Variants in SLC4A4 observed in about 807,000 individuals in gnomAD.
SLC4A4 encodes the protein solute carrier family 4 member 4, also known as electrogenic sodium bicarbonate cotransporter 1.
A neutral mutation model predicts 111.5 loss-of-function variants in SLC4A4; 27 were observed. The observed-to-expected ratio is 0.24, with a 90% CI of 0.18 to 0.33. The LOEUF (loss-of-function observed/expected upper bound fraction) is 0.33, where lower values mean the gene tolerates loss of function less well. Ranked by LOEUF, SLC4A4 falls within the 10% of genes least tolerant of loss-of-function variation. The probability of loss-of-function intolerance (pLI) is 1.00; values close to 1 mark genes in which losing one functional copy is unlikely to be tolerated. For synonymous variants in SLC4A4, 443 were observed against 463.4 expected (o/e 0.96, Z 0.57); for missense variants, 909 against 1,315.5 (o/e 0.69, Z 4.78).
At chr4:71,169,175 AT>A (rs113560452) in intron 2 of SLC4A4, among the ~76,000 whole-genome samples, 2,029 of 135,566 alleles carry the variant, frequency 0.015, 11 homozygotes, top group Middle Eastern at 0.023. Context: ...ATACCTGGCT[AT>A]TTTTTTTTTT....
chr4:71,521,026 C>A (rs552911086), intron 16 of SLC4A4, among the ~76,000 whole-genome samples: 43 of 152,028 alleles, frequency 2.8e-4, no homozygotes, highest in Admixed American at 3.3e-4. Flanking sequence ...CTGGTCTGAT[C>A]AAAATTTTAA....
At chr4:71,435,996 G>A (rs7672401) in intron 7 of SLC4A4, among the ~76,000 whole-genome samples, 5,711 of 152,300 alleles carry the variant, frequency 0.037, 371 homozygotes, top group African/African-American at 0.13. Context: ...GGAAGATAGT[G>A]TGGTGATCCC....
chr4:71,399,760 C>T (rs1720187901), intron 7 of SLC4A4, among the ~76,000 whole-genome samples: 1 of 151,760 alleles, frequency 6.6e-6, no homozygotes, highest in Admixed American at 6.6e-5. Flanking sequence ...CATTTGTGTT[C>T]CCCAGAAGAG....
At chr4:71,531,455 T>C (rs1347395507) in intron 16 of SLC4A4, among the ~76,000 whole-genome samples, 1 of 152,100 alleles carries the variant, frequency 6.6e-6, no homozygotes, top group African/African-American at 2.4e-5. Context: ...CTGTGACATT[T>C]CTATCTTTCA....
intron 16 of SLC4A4, among the ~76,000 whole-genome samples, chr4:71,518,547 A>G (rs982296888): frequency 1.3e-4 from 20 of 152,000 alleles, no homozygotes; most frequent in Middle Eastern, 3.2e-3. Flanking sequence ...GCCTGAGGCC[A>G]CAGGGGCTGA....
At chr4:71,345,688 G>T (rs1014922044) in intron 4 of SLC4A4, among the ~76,000 whole-genome samples, 1 of 151,662 alleles carries the variant, frequency 6.6e-6, no homozygotes, top group Non-Finnish European at 1.5e-5. Flanking sequence ...TTATACTGTG[G>T]GTTTGGGCAA....
chr4:71,494,743 T>C (rs1289845363), intron 15 of SLC4A4, among the ~76,000 whole-genome samples: 2 of 151,968 alleles, frequency 1.3e-5, no homozygotes, highest in Non-Finnish European at 2.9e-5. Flanking sequence ...AGCAGTGAGA[T>C]GAGTTAAGGG....
At chr4:71,074,269 A>G (rs1741750292) in intron 1 of SLC4A4, among the ~76,000 whole-genome samples, 1 of 152,204 alleles carries the variant, frequency 6.6e-6, no homozygotes. Flanking sequence ...GAGAGCTGTA[A>G]AGAGGAGAAT....
intron 1 of SLC4A4, among the ~76,000 whole-genome samples, chr4:71,073,785 A>C (rs1741730921): frequency 6.6e-6 from 1 of 152,136 alleles, no homozygotes; most frequent in Non-Finnish European, 1.5e-5. Flanking sequence ...GAATTTCCTA[A>C]GAAAATCCAG....
intron 1 of SLC4A4, among the ~76,000 whole-genome samples, chr4:71,212,146 T>C (rs1183897509): frequency 6.6e-6 from 1 of 152,248 alleles, no homozygotes; most frequent in Non-Finnish European, 1.5e-5. Flanking sequence ...TTCTGTCTTC[T>C]GTCTGAAAGA....
intron 1 of SLC4A4, among the ~76,000 whole-genome samples, chr4:71,206,676 A>G (rs1429264170): frequency 6.6e-6 from 1 of 152,194 alleles, no homozygotes; most frequent in Non-Finnish European, 1.5e-5. Context: ...TCAAACTGTT[A>G]ACTCCGAATT....
chr4:71,118,026 G>A (rs893778935), intron 2 of SLC4A4, among the ~76,000 whole-genome samples: 11 of 151,976 alleles, frequency 7.2e-5, no homozygotes, highest in African/African-American at 1.2e-4. Context: ...ACAGGCATGC[G>A]CCACCACGCC....
chr4:71,571,571 A>G lies in SLC4A4; in HGVS notation c.*3820A>G, dbSNP rs1001208120. 4 of 152,218 alleles carry G rather than the reference A, an allele frequency of 2.6e-5. No individual in the cohort carries two copies. The highest frequency in any genetic ancestry group is 7.2e-5 in the African/African-American group (3 of 41,396). The allele number at this position is 152,218 out of a possible 1,614,324, so 9.4% of individuals were successfully genotyped here. ...TTCCTGGCTCATTTCATTGTGCTCTATGGGTACGTATAAAAAGCAAGAATT... is the reference window on the plus strand; with the variant it reads ...TTCCTGGCTCATTTCATTGTGCTCTGTGGGTACGTATAAAAAGCAAGAATT... On this transcript the variant is annotated 3_prime_UTR_variant, in exon 26 of 26. Coordinates refer to ENST00000264485, the MANE Select transcript of SLC4A4 (RefSeq NM_001098484.3).
chr4:71,522,756 G>T (rs937488003), intron 16 of SLC4A4, among the ~76,000 whole-genome samples: 11 of 152,050 alleles, frequency 7.2e-5, no homozygotes, highest in African/African-American at 2.4e-4. Flanking sequence ...TGTTGTTATT[G>T]TCATTTAAAT....
Position 71,324,117 on chromosome 4 carries a change from C to T in SLC4A4, c.254-15253C>T, listed in dbSNP as rs187735494. ...ATTTATTAGGGGGAATGCAGTCTTA[C>T]GATATGCAGATGGCGCAATTGGGTG... On this transcript the variant is annotated intron_variant, in intron 3 of 25. Coordinates refer to ENST00000264485, the MANE Select transcript of SLC4A4 (RefSeq NM_001098484.3). Among the ~76,000 whole-genome samples, 20 of 151,974 alleles carry T rather than the reference C, an allele frequency of 1.3e-4. No individual in the cohort carries two copies. In the East Asian group the frequency reaches 1.6e-3, roughly 12 times the overall value.
At chr4:71,332,729 G>A (rs1728116866) in intron 3 of SLC4A4, among the ~76,000 whole-genome samples, 1 of 152,230 alleles carries the variant, frequency 6.6e-6, no homozygotes, top group African/African-American at 2.4e-5. Context: ...ACCGCGCCCG[G>A]CCGACTGTGT....
At chr4:71,195,217 T>C (rs1486669621) in intron 1 of SLC4A4, among the ~76,000 whole-genome samples, 2 of 150,206 alleles carry the variant, frequency 1.3e-5, no homozygotes, top group African/African-American at 2.5e-5. Context: ...TTTTCCTTTT[T>C]TCCTGTATTT....
rs551888153 is a variant in SLC4A4, at chr4:71,066,648, G to T, written c.-65+3860G>T. 9.2e-5 allele frequency among the ~76,000 whole-genome samples: 14 copies of T among 152,174 alleles called. No individual in the cohort carries two copies. The South Asian group carries it at 2.9e-3, about 32-fold the overall frequency. ...GAGAAAAGACAAATTAATCAAATTG[G>T]GAATAATTGCTGTTAATACTATCAA... is the stretch of plus-strand genomic sequence containing the variant. On this transcript the variant is annotated intron_variant, in intron 1 of 26. Transcript: ENST00000649996.
At chr4:71,196,834 CAA>C (rs71212000) in intron 1 of SLC4A4, among the ~76,000 whole-genome samples, 1 of 20,330 alleles carries the variant, frequency 4.9e-5, no homozygotes, top group Non-Finnish European at 9.9e-5. Context: ...ACTCTGTCTC[CAA>C]AAAAAAAAAA....
Sources: gnomAD v4.1 joint callset for allele counts (sites outside exome capture counted in the v4.1 genomes callset) on GRCh38, gnomAD v4.1.1 for gene constraint, MANE v1.5 for transcripts, NCBI Gene and HGNC (gene_info 2026-07-23, HGNC 2026-07-21) for gene names.